NUP210: variants seen among roughly 807,000 people sequenced by gnomAD.
NUP210 encodes the protein nuclear pore membrane glycoprotein 210.
A neutral mutation model predicts 196.0 loss-of-function variants in NUP210; 151 were observed. The observed-to-expected ratio is 0.77, with a 90% CI of 0.67 to 0.88. NUP210 has a LOEUF of 0.88. NUP210 is among the 40% of genes least tolerant of loss of function. The pLI is 0.00. For synonymous variants in NUP210, 1,070 were observed against 1,052.7 expected, an observed-to-expected ratio of 1.02 and a Z score of -0.32; for missense variants, 2,314 against 2,493.7, an observed-to-expected ratio of 0.93 and a Z score of 1.53.
intron 20 of NUP210, among the ~76,000 whole-genome samples, chr3:13,346,037 T>C (rs2124868729): frequency 6.6e-6 from 1 of 152,320 alleles, no homozygotes; most frequent in Non-Finnish European, 1.5e-5. Flanking sequence ...TTTCTCTTTT[T>C]TCCTCCTTTA....
chr3:13,381,420 C>T (rs1035876470), intron 6 of NUP210, among the ~76,000 whole-genome samples: 6 of 134,432 alleles, frequency 4.5e-5, no homozygotes, highest in East Asian at 2.2e-4. Context: ...CTTTTCTTTT[C>T]TTTTTTTTTT....
rs1014464045 is a variant in NUP210 at position 13,360,289 on chromosome 3, C to T, written c.2135G>A (p.Cys712Tyr). The T allele has an allele frequency of 6.2e-7, 1 of 1,614,208 alleles. No homozygotes were observed. The highest frequency in any genetic ancestry group is 8.5e-7 in the Non-Finnish European group (1 of 1,180,028). ...NYQQHWILVT[C>Y]QALGEQVIAL... Reference sequence around the variant, plus strand: ...ACTCACCTGCTCACCCAAGGCCTGACAGGTCACAAGGATCCAGTGTTGCTG... The same window carrying T: ...ACTCACCTGCTCACCCAAGGCCTGATAGGTCACAAGGATCCAGTGTTGCTG... The change falls in exon 15 of 40, where the codon TGT becomes TAT. Residue 712 changes from cysteine to tyrosine, a missense_variant. By Grantham distance (194) the Cys-to-Tyr change is radical. Transcript: ENST00000254508.
At chr3:13,402,031 C>T (rs1029965537) in intron 1 of NUP210, among the ~76,000 whole-genome samples, 1 of 151,512 alleles carries the variant, frequency 6.6e-6, no homozygotes, top group Non-Finnish European at 1.5e-5. Context: ...GCCATCTCTA[C>T]AAAAAAAAAT....
intron 30 of NUP210, 39 bp from the exon 31 acceptor site, chr3:13,328,985 C>T: frequency 6.3e-7 from 1 of 1,589,194 alleles, no homozygotes; most frequent in South Asian, 1.1e-5. Context: ...GATTCAGTGC[C>T]AGGGACTGGC....
chr3:13,378,998 G>A lies in NUP210; in HGVS notation c.977-18C>T, dbSNP rs962518449. 1.2e-6 allele frequency: 2 copies of A among 1,610,894 alleles called. No individual in the cohort carries two copies. Among genetic ancestry groups the A allele is most frequent in the African/African-American group, 1.3e-5 (1 of 74,892 alleles). On this transcript the variant is annotated intron_variant, in intron 7 of 39. Coordinates refer to ENST00000254508, the MANE Select transcript of NUP210 (RefSeq NM_024923.4). ...GCGAATACCTGAATTTTGAATTAAG[G>A]GGCAAGACATATGACAGCAAATAAA... is the stretch of plus-strand genomic sequence containing the variant.
intron 33 of NUP210, 135 bp downstream of exon 33, chr3:13,325,660 C>T: frequency 2.9e-6 from 3 of 1,025,950 alleles, no homozygotes; most frequent in Non-Finnish European, 4.3e-6. Flanking sequence ...TGGCCAGTCC[C>T]AGACTCATGA....
At chr3:13,413,642 A>G (rs1700250883) in intron 1 of NUP210, among the ~76,000 whole-genome samples, 1 of 152,212 alleles carries the variant, frequency 6.6e-6, no homozygotes, top group Admixed American at 6.5e-5. Flanking sequence ...AGACAGGCAA[A>G]CATCAAAGAG....
intron 1 of NUP210, among the ~76,000 whole-genome samples, chr3:13,403,299 T>C (rs940747660): frequency 7.9e-5 from 12 of 151,890 alleles, no homozygotes; most frequent in African/African-American, 2.7e-4. Context: ...GCATACTAGG[T>C]GTCTAGTGAG....
At chr3:13,335,720 A>G in intron 27 of NUP210, 108 bp from the exon 28 acceptor site, 4 of 1,270,062 alleles carry the variant, frequency 3.1e-6, no homozygotes, top group Non-Finnish European at 4.4e-6. Context: ...CAGTCCTGGT[A>G]GCTGCTGGCC....
chr3:13,321,958 C>T, intron 35 of NUP210, 123 bp from the exon 36 acceptor site: 1 of 1,382,172 alleles, frequency 7.2e-7, no homozygotes, highest in Non-Finnish European at 9.9e-7. Flanking sequence ...TGAGAAGTCA[C>T]CTCCTCCAGG....
In NUP210 at chr3:13,340,090, C is replaced by G; in HGVS notation, c.3292-57G>C. 1 of 1,602,962 alleles carries G rather than the reference C, an allele frequency of 6.2e-7. No individual in the cohort carries two copies. The highest frequency in any genetic ancestry group is 1.3e-5 in the African/African-American group (1 of 74,900). ...GCCCGTCATGCCAGGCAGCCCGCAC[C>G]TCCCACTCAGAGAGCCAGGGCCCCA... On this transcript the variant is annotated intron_variant, in intron 24 of 39. Transcript: ENST00000254508. This position sits in a 1 kb window ranked among gnomAD's most constrained non-coding sequence, Gnocchi z 4.0.
chr3:13,342,042 A>G lies in NUP210; in HGVS notation c.3046T>C (p.Phe1016Leu). Reference sequence around the variant, plus strand: ...GCTGCTCGGAGCTTCAGGTCCATAAAGGGGAAGTATTTGGCAAGGAAGGGC... The same window carrying G: ...GCTGCTCGGAGCTTCAGGTCCATAAGGGGGAAGTATTTGGCAAGGAAGGGC... ...KKPFLAKYFPFMDLKLRAASP... is the reference protein window; with the variant it reads ...KKPFLAKYFPLMDLKLRAASP... Residue 1016 changes from phenylalanine (F) to leucine (L), a missense_variant, in exon 22 of 40, where the codon TTT (phenylalanine) becomes CTT (leucine). By Grantham distance (22) the Phe-to-Leu change is conservative. Transcript: ENST00000254508. 1 of 1,614,206 alleles carries G rather than the reference A, an allele frequency of 6.2e-7. No individual in the cohort carries two copies. Among genetic ancestry groups the G allele is most frequent in the Non-Finnish European group, 8.5e-7 (1 of 1,180,028 alleles).
chr3:13,415,070 T>A (rs1307308972), intron 1 of NUP210, among the ~76,000 whole-genome samples: 1 of 152,174 alleles, frequency 6.6e-6, no homozygotes, highest in Non-Finnish European at 1.5e-5. Flanking sequence ...ACCCTGTCTC[T>A]ACTAAAAATA....
intron 27 of NUP210, among the ~76,000 whole-genome samples, 155 bp from the exon 28 acceptor site, chr3:13,335,767 T>C (rs1160809038): frequency 2.0e-5 from 3 of 152,216 alleles, no homozygotes; most frequent in Non-Finnish European, 4.4e-5. Flanking sequence ...CTGGGTTGGG[T>C]CTGCTAACCC....
At position 13,321,820 on chromosome 3, in the gene NUP210, G is replaced by T; in HGVS notation, c.4931C>A (p.Ser1644Ter). 6.2e-7 allele frequency: 1 copy of T among 1,606,460 alleles called. No homozygotes were observed. ...FDTALGQYFC[S>*]ITMHRLTDKQ... The stretch of plus-strand genomic sequence containing the variant: ...GTCCGTCAGCCTGTGCATTGTGATT[G>T]AGCAGAAGTACTGGCCTGCGAAGAC... The change falls in exon 36 of 40, where the codon TCA (serine) becomes TAA (stop). Residue 1644 changes from serine (S) to a stop codon, truncating the protein, a stop_gained. Transcript: ENST00000254508. LOFTEE classifies it high-confidence loss of function.
chr3:13,373,974 T>A, intron 11 of NUP210, 101 bp from the exon 12 acceptor site: 2 of 1,323,426 alleles, frequency 1.5e-6, no homozygotes, highest in South Asian at 1.4e-5. Context: ...GTACTCACAC[T>A]CATACACATT....
intron 14 of NUP210, among the ~76,000 whole-genome samples, chr3:13,363,152 C>T (rs1698423432): frequency 6.6e-6 from 1 of 152,232 alleles, no homozygotes; most frequent in South Asian, 2.1e-4. Flanking sequence ...GTGACTAGCA[C>T]ACGCTCAATC....
intron 2 of NUP210, among the ~76,000 whole-genome samples, chr3:13,397,815 G>A (rs1029215778): frequency 2.0e-5 from 3 of 152,224 alleles, no homozygotes; most frequent in East Asian, 3.8e-4. Context: ...ATAGTATGAT[G>A]AGTTCCCATC....
rs936662105 is a variant in NUP210, at chr3:13,350,192, G to A, written c.2835+1687C>T. ...GGGAAAAGTGTGTGTGTGTGGGTGC[G>A]TGTGTGTTCAGCAAAATAACACAGC... On this transcript the variant is annotated intron_variant, in intron 20 of 39. Transcript: ENST00000254508. This position sits in a 1 kb window ranked among gnomAD's most constrained non-coding sequence, Gnocchi z 4.1. Among the ~76,000 whole-genome samples the A allele has an allele frequency of 7.6e-6, 1 of 131,298 alleles. No homozygotes were observed. The highest frequency in any genetic ancestry group is 7.3e-5 in the Admixed American group (1 of 13,696). 86.1% of individuals were successfully genotyped at this position (131,298 alleles called of 152,430 possible). A position where few individuals can be genotyped will look rare whatever the true frequency, so the allele number is the denominator to read the frequency against.
Sources: allele counts gnomAD v4.1 joint callset (sites outside exome capture counted in the v4.1 genomes callset), GRCh38; gene constraint gnomAD v4.1.1; non-coding constraint Gnocchi (gnomAD v3.1); transcripts MANE v1.5; gene names NCBI Gene and HGNC (gene_info 2026-07-23, HGNC 2026-07-21).